Variants in MSL1 observed in about 807,000 individuals in gnomAD.
The protein encoded by MSL1 is MSL complex subunit 1, also known as male-specific lethal 1 homolog.
A neutral mutation model predicts 64.6 loss-of-function variants in MSL1; 21 were observed. That is an observed-to-expected ratio of 0.33 (90% CI 0.23 to 0.47). The LOEUF is 0.47. Ranked by LOEUF, MSL1 falls within the 20% of genes least tolerant of loss-of-function variation. The pLI is 1.00. For missense variants in MSL1, 664 were observed against 793.2 expected, an observed-to-expected ratio of 0.84 and a Z score of 1.96; for synonymous variants, 339 against 329.6, an observed-to-expected ratio of 1.03 and a Z score of -0.31.
rs1988396399 is a variant in MSL1 at position 40,129,503 on chromosome 17, A to G, written c.1251A>G (p.Ser417=). The G allele has an allele frequency of 6.2e-7, 1 of 1,613,774 alleles. No individual in the cohort carries two copies. Among genetic ancestry groups the G allele is most frequent in the Non-Finnish European group, 8.5e-7 (1 of 1,179,880 alleles). Residue 417 remains serine (S), a synonymous_variant, in exon 3 of 9, where the codon TCA becomes TCG. Coordinates refer to ENST00000398532, the MANE Select transcript of MSL1 (RefSeq NM_001365919.1). ...CCCATCCCAAGGAGAAAGCCTTCTC[A>G]AGTGAGATAGAAGATTTGCCGTACC... ...PSTHPKEKAF[S]SEIEDLPYLS...
Position 40,122,544 on chromosome 17 carries a change from G to A in MSL1, c.-69G>A. On this transcript the variant is annotated 5_prime_UTR_variant, in exon 1 of 9. Transcript: ENST00000398532. This position sits in a 1 kb window ranked among gnomAD's most constrained non-coding sequence, Gnocchi z 4.2. ...ACTCCCCTCCCCCCCCTCAGTCCTC[G>A]ACCCCCCGCACCTCGCCCCTTCCCC... is the stretch of plus-strand genomic sequence containing the variant. 1 of 1,092,134 alleles carries A rather than the reference G, an allele frequency of 9.2e-7. No individual in the cohort carries two copies. The highest frequency in any genetic ancestry group is 1.2e-6 in the Non-Finnish European group (1 of 843,912). The allele number at this position is 1,092,134 out of a possible 1,614,324, so 67.7% of individuals were successfully genotyped here. A position where few individuals can be genotyped will look rare whatever the true frequency, so the allele number is the denominator to read the frequency against.
At position 40,133,714 on chromosome 17, in the gene MSL1, G is replaced by T. The variant is rs969995864; in HGVS notation, c.1681+56G>T. On this transcript the variant is annotated intron_variant, in intron 7 of 8. Coordinates refer to ENST00000398532, the MANE Select transcript of MSL1 (RefSeq NM_001365919.1). The stretch of plus-strand genomic sequence containing the variant: ...TTTGAAAGAAGGAGGAGGGTGCAAG[G>T]CTCCAGGGTACAACTTGCTCTGAAT... 1.9e-6 allele frequency: 3 copies of T among 1,611,404 alleles called. No individual in the cohort carries two copies. In the African/African-American group the frequency reaches 4.0e-5, roughly 22 times the overall value.
In MSL1 at chr17:40,122,052, G is replaced by C. The variant is rs538219047; in HGVS notation, c.-561G>C. On this transcript the variant is annotated 5_prime_UTR_variant, in exon 1 of 9. Transcript: ENST00000398532. The surrounding 1 kb of genome is among the most constrained non-coding windows in gnomAD (Gnocchi z 4.2). Reference sequence around the variant, plus strand: ...TTTTAAAGGGAAACGCTGAGGCGCCGGGGGTGACTGTGGGGGAGGGGGACC... The same window carrying C: ...TTTTAAAGGGAAACGCTGAGGCGCCCGGGGTGACTGTGGGGGAGGGGGACC... Among the ~76,000 whole-genome samples the C allele has an allele frequency of 1.4e-3, 218 of 151,648 alleles. 2 individuals carry two copies. Among genetic ancestry groups the C allele is most frequent in the South Asian group, 2.7e-3 (13 of 4,820 alleles).
At chr17:40,125,407 C>T (rs997460076) in intron 1 of MSL1, among the ~76,000 whole-genome samples, 1 of 152,208 alleles carries the variant, frequency 6.6e-6, no homozygotes, top group African/African-American at 2.4e-5. Context: ...CCTGGTGGCA[C>T]TGTATGAGCT....
At chr17:40,123,438 G>A in intron 1 of MSL1, 58 bp downstream of exon 1, 1 of 1,506,874 alleles carries the variant, frequency 6.6e-7, no homozygotes, top group Non-Finnish European at 8.9e-7. Flanking sequence ...CATGCTCGGG[G>A]GAAGGGGGCT....
intron 8 of MSL1, 132 bp from the exon 9 acceptor site, chr17:40,134,147 G>A: frequency 5.2e-6 from 4 of 769,298 alleles, no homozygotes. Context: ...TGGCTTTGAG[G>A]CAGGAAAGAC....
chr17:40,134,201 CT>C, intron 8 of MSL1, 77 bp from the exon 9 acceptor site: 1 of 1,314,050 alleles, frequency 7.6e-7, no homozygotes, highest in Non-Finnish European at 1.1e-6. Flanking sequence ...GACATAGTGA[CT>C]TTTTTGTAGT....
chr17:40,128,107 G>A (rs1309106297), intron 2 of MSL1, among the ~76,000 whole-genome samples: 3 of 152,112 alleles, frequency 2.0e-5, no homozygotes, highest in Non-Finnish European at 4.4e-5. Flanking sequence ...GGGTGACAGA[G>A]TGAGACTCCA....
chr17:40,122,494 C>A lies in MSL1; in HGVS notation c.-119C>A. On this transcript the variant is annotated 5_prime_UTR_variant, in exon 1 of 9. Transcript: ENST00000398532. The surrounding 1 kb of genome is among the most constrained non-coding windows in gnomAD (Gnocchi z 4.2). The stretch of plus-strand genomic sequence containing the variant: ...AGCCGCGCTAGCGGAGGCCTGCTGC[C>A]GCGCTGCTGAGGCGAGCCCGCCAAA... 1.4e-6 allele frequency: 1 copy of A among 690,492 alleles called. No homozygotes were observed. The highest frequency in any genetic ancestry group is 2.1e-6 in the Non-Finnish European group (1 of 476,586). The allele number at this position is 690,492 out of a possible 1,614,324, so 42.8% of individuals were successfully genotyped here.
chr17:40,128,642 A>G (rs1481484050), intron 2 of MSL1, among the ~76,000 whole-genome samples: 2 of 151,006 alleles, frequency 1.3e-5, no homozygotes, highest in Non-Finnish European at 1.5e-5. Flanking sequence ...TTGGCCTTCC[A>G]AAGTGCTGGG....
rs1231247591 is a variant in MSL1, at chr17:40,135,759, C to T, written c.*1390C>T. The T allele has an allele frequency of 2.0e-5, 3 of 152,182 alleles. No individual in the cohort carries two copies. Among genetic ancestry groups the T allele is most frequent in the Non-Finnish European group, 4.4e-5 (3 of 68,022 alleles). The allele number at this position is 152,182 out of a possible 1,614,324, so 9.4% of individuals were successfully genotyped here. A position where few individuals can be genotyped will look rare whatever the true frequency, so the allele number is the denominator to read the frequency against. ...TTTTGTGAGATGTTGATCTGTGCTT[C>T]CTGGATTTGACTTTTAAAGGAATTA... On this transcript the variant is annotated 3_prime_UTR_variant, in exon 9 of 9. Transcript: ENST00000398532.
In MSL1 at chr17:40,122,795, C is replaced by T. The variant is rs1598409370; in HGVS notation, c.183C>T (p.Ser61=). The T allele has an allele frequency of 7.3e-7, 1 of 1,372,846 alleles. No individual in the cohort carries two copies. The highest frequency in any genetic ancestry group is 3.0e-5 in the East Asian group (1 of 32,902). The allele number at this position is 1,372,846 out of a possible 1,614,324, so 85.0% of individuals were successfully genotyped here. ...KLKEPGPPLA[S]SQGGSPAPSP... ...AGGAGCCGGGGCCCCCGCTGGCCTC[C>T]TCCCAGGGCGGGAGCCCCGCGCCTT... is the stretch of plus-strand genomic sequence containing the variant. The change falls in exon 1 of 9, where the codon TCC becomes TCT. Residue 61 remains serine, a synonymous_variant. Transcript: ENST00000398532. This position sits in a 1 kb window ranked among gnomAD's most constrained non-coding sequence, Gnocchi z 4.2.
Position 40,129,380 on chromosome 17 carries a change from T to C in MSL1, c.1128T>C (p.Val376=), listed in dbSNP as rs200651227. ...CCTGTGGTTCCTTATCTGAAACTGT[T>C]TGTAAACGTGAATTGAGGAGCCAAG... ...EEPCGSLSET[V]CKRELRSQET... is the part of the protein sequence containing the mutation. The change falls in exon 3 of 9, where the codon GTT becomes GTC. Residue 376 remains valine (V), a synonymous_variant. Coordinates refer to ENST00000398532, the MANE Select transcript of MSL1 (RefSeq NM_001365919.1). 52 of 1,613,722 alleles carry C rather than the reference T, an allele frequency of 3.2e-5. 1 individual carries two copies. The African/African-American group carries it at 6.7e-4, about 21-fold the overall frequency.
chr17:40,129,580 C>T lies in MSL1; in HGVS notation c.1328C>T (p.Pro443Leu), dbSNP rs747726773. Residue 443 changes from proline (P) to leucine (L), a missense_variant, in exon 3 of 9, where the codon CCG (proline) becomes CTG (leucine). Coordinates refer to ENST00000398532, the MANE Select transcript of MSL1 (RefSeq NM_001365919.1). ...CGTTGGCACCAGCCTCCCCCATCAC[C>T]GTTACCATTACGGGAATCCTCTCCA... ...LCRWHQPPPS[P>L]LPLRESSPKK... 9.3e-6 allele frequency: 15 copies of T among 1,612,722 alleles called. No homozygotes were observed. Among genetic ancestry groups the T allele is most frequent in the Admixed American group, 1.7e-5 (1 of 59,796 alleles).
In MSL1 at chr17:40,132,075, C is replaced by A; in HGVS notation, c.1465C>A (p.Pro489Thr). ...RDHSVEPLRD[P>T]NPSDLLENLD... ...CCACTCAGTAGAGCCTCTAAGGGAC[C>A]CAAATCCTTCAGACCTTTTGGAGGT... The change falls in exon 5 of 9, where the codon CCA becomes ACA. Residue 489 changes from proline (P) to threonine (T), a missense_variant. Transcript: ENST00000398532. 1 of 1,603,318 alleles carries A rather than the reference C, an allele frequency of 6.2e-7. No homozygotes were observed.
At position 40,129,280 on chromosome 17, in the gene MSL1, C is replaced by T. The variant is rs745339351; in HGVS notation, c.1028C>T (p.Pro343Leu). The change falls in exon 3 of 9, where the codon CCT becomes CTT. Residue 343 changes from proline to leucine, a missense_variant. By Grantham distance (98) the Pro-to-Leu change is moderately conservative (BLOSUM62 -3). Transcript: ENST00000398532. ...TTTGGAAGTACAGAAAGAAAGACTCCTGTTAAAAAGCTGGCTCCTGAATTT... is the reference window on the plus strand; with the variant it reads ...TTTGGAAGTACAGAAAGAAAGACTCTTGTTAAAAAGCTGGCTCCTGAATTT... ...SPFGSTERKT[P>L]VKKLAPEFSK... 5.7e-6 allele frequency: 9 copies of T among 1,572,422 alleles called. No homozygotes were observed. The Admixed American group carries it at 1.9e-4, about 33-fold the overall frequency.
chr17:40,123,144 C>A lies in MSL1; in HGVS notation c.532C>A (p.Pro178Thr). 1 of 1,533,584 alleles carries A rather than the reference C, an allele frequency of 6.5e-7. No individual in the cohort carries two copies. The highest frequency in any genetic ancestry group is 8.7e-7 in the Non-Finnish European group (1 of 1,145,894). 95.0% of individuals were successfully genotyped at this position (1,533,584 alleles called of 1,614,324 possible). ...GGCGGGACCCCCACCACTACCTCTG[C>A]CCGGGCCGCCACCCCTCGCGCCCAC... ...DPAGPPPLPLPGPPPLAPTAT... is the reference protein window; with the variant it reads ...DPAGPPPLPLTGPPPLAPTAT... Residue 178 changes from proline (P) to threonine (T), a missense_variant, in exon 1 of 9, where the codon CCC (proline) becomes ACC (threonine). Physicochemically the swap from Pro to Thr is conservative, Grantham distance 38. Coordinates refer to ENST00000398532, the MANE Select transcript of MSL1 (RefSeq NM_001365919.1).
Position 40,134,948 on chromosome 17 carries a change from T to G in MSL1, c.*579T>G, listed in dbSNP as rs907899321. On this transcript the variant is annotated 3_prime_UTR_variant, in exon 9 of 9. Coordinates refer to ENST00000398532, the MANE Select transcript of MSL1 (RefSeq NM_001365919.1). ...ACTGTCTGAAAAGATAGTTGTTCAT[T>G]TGAAACTATTCTGTGATACAGTCAT... 6.6e-6 allele frequency: 1 copy of G among 152,512 alleles called. No homozygotes were observed. Among genetic ancestry groups the G allele is most frequent in the Non-Finnish European group, 1.5e-5 (1 of 68,138 alleles). 9.4% of individuals were successfully genotyped at this position (152,512 alleles called of 1,614,324 possible).
chr17:40,132,985 ATGTG>A (rs1393579122), intron 5 of MSL1, 53 bp from the exon 6 acceptor site: 16 of 1,467,178 alleles, frequency 1.1e-5, no homozygotes, highest in Non-Finnish European at 1.5e-5. Flanking sequence ...TAGTTAGTAT[ATGTG>A]TGTAACTAAT....
Sources: gnomAD v4.1 joint callset for allele counts (sites outside exome capture counted in the v4.1 genomes callset) on GRCh38, gnomAD v4.1.1 for gene constraint, Gnocchi (gnomAD v3.1) non-coding constraint, MANE v1.5 for transcripts, NCBI Gene and HGNC (gene_info 2026-07-23, HGNC 2026-07-21) for gene names.